Variants in SORBS2 observed in about 807,000 individuals in gnomAD.
The protein encoded by SORBS2 is sorbin and SH3 domain containing 2.
A neutral mutation model predicts 97.7 loss-of-function variants in SORBS2; 46 were observed. That is an observed-to-expected ratio of 0.47 (90% CI 0.37 to 0.60). SORBS2 has a LOEUF of 0.60. Ranked by LOEUF, SORBS2 falls within the 20% of genes least tolerant of loss-of-function variation. The probability of loss-of-function intolerance (pLI) is 0.00; values close to 1 mark genes in which losing one functional copy is unlikely to be tolerated. For synonymous variants in SORBS2, 476 were observed against 473.4 expected (o/e 1.01, Z -0.07); for missense variants, 1,316 against 1,282.3 (o/e 1.03, Z -0.40).
At chr4:185,669,529 C>G (rs972662080) in intron 4 of SORBS2, among the ~76,000 whole-genome samples, 2 of 151,854 alleles carry the variant, frequency 1.3e-5, no homozygotes, top group South Asian at 2.1e-4. Context: ...AGCTGTGGAG[C>G]GGGGATGTGA....
At chr4:185,703,569 A>G (rs943770563) in intron 2 of SORBS2, among the ~76,000 whole-genome samples, 2 of 152,252 alleles carry the variant, frequency 1.3e-5, no homozygotes, top group African/African-American at 4.8e-5. Context: ...CAGTCATGCC[A>G]TAACTTGCTA....
At chr4:185,622,461 T>A (rs1221821038) in intron 7 of SORBS2, among the ~76,000 whole-genome samples, 1 of 152,246 alleles carries the variant, frequency 6.6e-6, no homozygotes, top group Non-Finnish European at 1.5e-5. Context: ...GCTTCTTGAA[T>A]GTTTTGATAT....
At chr4:185,731,819 C>T (rs1476245613) in intron 2 of SORBS2, among the ~76,000 whole-genome samples, 2 of 94,062 alleles carry the variant, frequency 2.1e-5, no homozygotes, top group African/African-American at 4.1e-5. Context: ...TCCCTCCCTG[C>T]CTGTCTCTCT....
rs548721156 is a variant in SORBS2 at position 185,624,000 on chromosome 4, C to T, written c.1129G>A (p.Val377Met). ...TCGTACTGCAGAATCCTGGACTTCA[C>T]GGAGCAGATCACCTCGGAGTTCATC... The change falls in exon 7 of 15, where the codon GTG (valine) becomes ATG (methionine). Residue 377 changes from valine (V) to methionine (M), a missense_variant. Physicochemically the swap from Val to Met is conservative, Grantham distance 21. Coordinates refer to ENST00000418609, the Ensembl canonical transcript of SORBS2. This position sits in a 1 kb window ranked among gnomAD's most constrained non-coding sequence, Gnocchi z 6.4. The T allele has an allele frequency of 1.2e-6, 2 of 1,614,202 alleles. No homozygotes were observed. The highest frequency in any genetic ancestry group is 1.7e-5 in the Admixed American group (1 of 60,034).
At chr4:185,708,060 G>A (rs915104939) in intron 2 of SORBS2, among the ~76,000 whole-genome samples, 1 of 152,140 alleles carries the variant, frequency 6.6e-6, no homozygotes, top group Admixed American at 6.5e-5. Flanking sequence ...AGGAGCCCAG[G>A]CTTCTCCTAG....
At chr4:185,840,053 C>A (rs551552586) in intron 1 of SORBS2, among the ~76,000 whole-genome samples, 1 of 152,190 alleles carries the variant, frequency 6.6e-6, no homozygotes, top group Non-Finnish European at 1.5e-5. Context: ...CACAGCTCCA[C>A]GCAGAGTTTC....
chr4:185,805,174 G>A (rs1427007311), intron 1 of SORBS2, among the ~76,000 whole-genome samples: 1 of 151,814 alleles, frequency 6.6e-6, no homozygotes, highest in Non-Finnish European at 1.5e-5. Flanking sequence ...CTATGCTTCT[G>A]GTAATATTTC....
At chr4:185,722,163 C>A (rs749842356) in intron 2 of SORBS2, among the ~76,000 whole-genome samples, 3 of 152,130 alleles carry the variant, frequency 2.0e-5, no homozygotes, top group Non-Finnish European at 4.4e-5. Context: ...TGGGTCCAGA[C>A]AGGATGATGA....
At chr4:185,602,660 C>T (rs1580705226) in intron 12 of SORBS2, among the ~76,000 whole-genome samples, 1 of 152,182 alleles carries the variant, frequency 6.6e-6, no homozygotes, top group South Asian at 2.1e-4. Flanking sequence ...TTTCTCTTTG[C>T]TTTCAGTGCT....
intron 4 of SORBS2, among the ~76,000 whole-genome samples, chr4:185,641,012 G>C (rs2097115748): frequency 6.6e-6 from 1 of 152,120 alleles, no homozygotes; most frequent in South Asian, 2.1e-4. Flanking sequence ...GAACAGCAGA[G>C]GGCAGCCAAC....
chr4:185,940,761 C>T (rs2099271560), intron 1 of SORBS2, among the ~76,000 whole-genome samples: 1 of 152,190 alleles, frequency 6.6e-6, no homozygotes, highest in Non-Finnish European at 1.5e-5. Context: ...CAGGTTTTCT[C>T]ATCGCTGCAA....
chr4:185,731,508 CCCTG>C (rs199817395), intron 2 of SORBS2, among the ~76,000 whole-genome samples: 2 of 120,784 alleles, frequency 1.7e-5, no homozygotes, highest in Non-Finnish European at 1.8e-5. Flanking sequence ...CTCCCTCCCT[CCCTG>C]CCTATCTCTC....
At chr4:185,924,644 A>C (rs2099262639) in intron 1 of SORBS2, among the ~76,000 whole-genome samples, 1 of 152,152 alleles carries the variant, frequency 6.6e-6, no homozygotes, top group Non-Finnish European at 1.5e-5. Context: ...CTAGGGTGGG[A>C]GGGCCAGTTA....
chr4:185,800,584 T>C (rs1053174501), intron 1 of SORBS2, among the ~76,000 whole-genome samples: 3 of 152,122 alleles, frequency 2.0e-5, no homozygotes, highest in Non-Finnish European at 2.9e-5. Flanking sequence ...TAGCCCTGCT[T>C]CCCTTGCAGC....
At chr4:185,921,723 G>A (rs1294103938) in intron 1 of SORBS2, among the ~76,000 whole-genome samples, 1 of 152,174 alleles carries the variant, frequency 6.6e-6, no homozygotes, top group African/African-American at 2.4e-5. Context: ...CCTATCAGCC[G>A]ACCACAACGC....
chr4:185,654,417 A>T (rs116422409), intron 1 of SORBS2, among the ~76,000 whole-genome samples: 3,242 of 152,330 alleles, frequency 0.021, 50 homozygotes, highest in Non-Finnish European at 0.032. Flanking sequence ...GCTGATGGCA[A>T]CAAGGAAGCC....
At chr4:185,850,043 G>T (rs989991469) in intron 1 of SORBS2, among the ~76,000 whole-genome samples, 1 of 152,200 alleles carries the variant, frequency 6.6e-6, no homozygotes, top group African/African-American at 2.4e-5. Flanking sequence ...CTTCAGGCCT[G>T]TGCAGATACT....
intron 9 of SORBS2, among the ~76,000 whole-genome samples, chr4:185,616,739 C>T (rs1003414060): frequency 2.1e-4 from 32 of 151,960 alleles, no homozygotes; most frequent in African/African-American, 7.3e-4. Context: ...TTGCTTTTTT[C>T]CCCTCACTTT....
intron 2 of SORBS2, 97 bp from the exon 4 acceptor site, chr4:185,690,708 A>T (rs1012862480): frequency 9.7e-6 from 5 of 516,518 alleles, no homozygotes; most frequent in African/African-American, 9.4e-5. Context: ...CCTGTAAGTT[A>T]ATATCACATT....
Sources: allele counts gnomAD v4.1 joint callset (sites outside exome capture counted in the v4.1 genomes callset), GRCh38; gene constraint gnomAD v4.1.1; non-coding constraint Gnocchi (gnomAD v3.1); transcripts MANE v1.5; gene names NCBI Gene and HGNC (gene_info 2026-07-23, HGNC 2026-07-21).